B4GALT5: variants seen among roughly 807,000 people sequenced by gnomAD.
B4GALT5 encodes UDP-Gal:beta-GlcNAc beta-1,4-galactosyltransferase 5.
A neutral mutation model predicts 45.0 loss-of-function variants in B4GALT5; 11 were observed. That is an observed-to-expected ratio of 0.24 (90% CI 0.15 to 0.40). B4GALT5 has a LOEUF of 0.40. Ranked by LOEUF, B4GALT5 falls within the 10% of genes least tolerant of loss-of-function variation. The pLI, the probability that B4GALT5 is intolerant of heterozygous loss-of-function variation, is 1.00. For missense variants in B4GALT5, 337 were observed against 500.2 expected (o/e 0.67, Z 3.11); for synonymous variants, 185 against 182.9 (o/e 1.01, Z -0.09).
intron 1 of B4GALT5, among the ~76,000 whole-genome samples, chr20:49,660,914 C>T (rs912004893): frequency 3.9e-5 from 6 of 152,202 alleles, no homozygotes; most frequent in African/African-American, 1.2e-4. Context: ...GAACCATGAT[C>T]GTGCCACTGC....
At chr20:49,648,028 AATC>A (rs1424189187) in intron 2 of B4GALT5, among the ~76,000 whole-genome samples, 1 of 151,848 alleles carries the variant, frequency 6.6e-6, no homozygotes, top group Non-Finnish European at 1.5e-5. Context: ...ACCTTCCTTT[AATC>A]ATCATCTCTG....
chr20:49,646,536 T>C lies in B4GALT5; in HGVS notation c.364+429A>G, dbSNP rs150358417. 1.2e-3 allele frequency among the ~76,000 whole-genome samples: 187 copies of C among 152,288 alleles called. 2 individuals are homozygous for C. The highest frequency in any genetic ancestry group is 3.8e-3 in the African/African-American group (159 of 41,562). ...GCACAGGTTTGCAGCCCAGGAGCAATAGGCCATACCATACAGCCTAGGGGT... is the reference window on the plus strand; with the variant it reads ...GCACAGGTTTGCAGCCCAGGAGCAACAGGCCATACCATACAGCCTAGGGGT... On this transcript the variant is annotated intron_variant, in intron 3 of 8. Transcript: ENST00000371711.
chr20:49,661,410 A>G (rs2085664360), intron 1 of B4GALT5, among the ~76,000 whole-genome samples: 1 of 151,810 alleles, frequency 6.6e-6, no homozygotes, highest in Non-Finnish European at 1.5e-5. Flanking sequence ...AATTTTTTGT[A>G]TTTTGGTAGA....
At chr20:49,646,702 G>T (rs2085600490) in intron 3 of B4GALT5, among the ~76,000 whole-genome samples, 1 of 152,192 alleles carries the variant, frequency 6.6e-6, no homozygotes, top group Non-Finnish European at 1.5e-5. Context: ...TCTCTAGGAA[G>T]TTCAAACAGA....
At chr20:49,683,830 T>C (rs903021238) in intron 1 of B4GALT5, among the ~76,000 whole-genome samples, 3 of 152,052 alleles carry the variant, frequency 2.0e-5, no homozygotes, top group African/African-American at 4.8e-5. Context: ...TGAGTTAATA[T>C]TGGTAAAACA....
chr20:49,698,193 C>T (rs1301918822), intron 1 of B4GALT5, among the ~76,000 whole-genome samples: 2 of 151,912 alleles, frequency 1.3e-5, no homozygotes, highest in African/African-American at 4.8e-5. Context: ...CATGGTGGCA[C>T]GCACCTGTAA....
chr20:49,700,134 T>C (rs1424126169), intron 1 of B4GALT5, among the ~76,000 whole-genome samples: 1 of 152,160 alleles, frequency 6.6e-6, no homozygotes, highest in Non-Finnish European at 1.5e-5. Flanking sequence ...AAAATCATCT[T>C]AGGAGAAAGG....
intron 1 of B4GALT5, among the ~76,000 whole-genome samples, chr20:49,656,988 G>C (rs2085646233): frequency 2.0e-5 from 3 of 151,916 alleles, no homozygotes; most frequent in Non-Finnish European, 4.4e-5. Context: ...TACCCAATCT[G>C]TATTCTAGCA....
chr20:49,683,347 G>A (rs1246599543), intron 1 of B4GALT5, among the ~76,000 whole-genome samples: 1 of 148,922 alleles, frequency 6.7e-6, no homozygotes, highest in Non-Finnish European at 1.5e-5. Context: ...TTTAATGGTT[G>A]AAAGTATTAA....
intron 3 of B4GALT5, among the ~76,000 whole-genome samples, chr20:49,644,634 C>A (rs2085591806): frequency 6.6e-6 from 1 of 152,152 alleles, no homozygotes; most frequent in Non-Finnish European, 1.5e-5. Flanking sequence ...CCTGTCAACG[C>A]CTATTTCTGA....
chr20:49,709,279 C>T (rs139343749), intron 1 of B4GALT5, among the ~76,000 whole-genome samples: 136 of 152,100 alleles, frequency 8.9e-4, no homozygotes, highest in Middle Eastern at 6.8e-3. Context: ...GCAAATAAAA[C>T]AAGTGATTAA....
At chr20:49,656,784 T>G (rs1393822618) in intron 1 of B4GALT5, 82 bp from the exon 2 acceptor site, 41 of 1,572,476 alleles carry the variant, frequency 2.6e-5, no homozygotes, top group Non-Finnish European at 3.4e-5. Context: ...ATGGATTTTT[T>G]TTTCTTTTTG....
intron 1 of B4GALT5, among the ~76,000 whole-genome samples, chr20:49,658,707 T>C (rs778397052): frequency 4.6e-5 from 7 of 152,188 alleles, no homozygotes; most frequent in Middle Eastern, 3.4e-3. Context: ...TCCCCCAGAG[T>C]GCTTTTAAGA....
Position 49,639,804 on chromosome 20 carries a change from G to A in B4GALT5, c.795-4C>T. 2 of 1,612,430 alleles carry A rather than the reference G, an allele frequency of 1.2e-6. No individual in the cohort carries two copies. The highest frequency in any genetic ancestry group is 1.7e-6 in the Non-Finnish European group (2 of 1,178,840). On this transcript the variant is annotated splice_region_variant and splice_polypyrimidine_tract_variant and intron_variant, in intron 6 of 8. Transcript: ENST00000371711. The stretch of plus-strand genomic sequence containing the variant: ...AAAGAACTCGGTATAAGGAAGCCTA[G>A]GAGGAGATGTGGGACATCAATCATC...
At chr20:49,662,588 G>GC (rs1048583647) in intron 1 of B4GALT5, among the ~76,000 whole-genome samples, 14 of 152,040 alleles carry the variant, frequency 9.2e-5, no homozygotes, top group African/African-American at 3.1e-4. Context: ...TTTTGCATTA[G>GC]CCCCCTCCTC....
chr20:49,691,318 A>T (rs2146354598), intron 1 of B4GALT5, among the ~76,000 whole-genome samples: 1 of 152,172 alleles, frequency 6.6e-6, no homozygotes, highest in East Asian at 1.9e-4. Context: ...GGAGTTTGAG[A>T]CCAGCCTGGG....
chr20:49,712,270 G>A (rs2085916276), intron 1 of B4GALT5, among the ~76,000 whole-genome samples: 1 of 152,164 alleles, frequency 6.6e-6, no homozygotes, highest in Non-Finnish European at 1.5e-5. Flanking sequence ...ATGAGATTGG[G>A]ACTCACATTC....
Position 49,683,088 on chromosome 20 carries a change from CCT to C in B4GALT5, c.116-26388_116-26387del, listed in dbSNP as rs571982053. 6.0e-3 allele frequency among the ~76,000 whole-genome samples: 794 copies of C among 131,976 alleles called. 3 individuals carry two copies. Among genetic ancestry groups the C allele is most frequent in the Middle Eastern group, 0.025 (6 of 242 alleles). 86.6% of individuals were successfully genotyped at this position (131,976 alleles called of 152,430 possible). The stretch of plus-strand genomic sequence containing the variant: ...CAGCCTGGTTAACAGAGTGGGAGAC[CCT>C]GTTTCTGGGGAGGAAAAAAAAAAAG... On this transcript the variant is annotated intron_variant, in intron 1 of 8. Transcript: ENST00000371711.
At chr20:49,677,985 T>C (rs1376613021) in intron 1 of B4GALT5, among the ~76,000 whole-genome samples, 1 of 152,240 alleles carries the variant, frequency 6.6e-6, no homozygotes, top group Non-Finnish European at 1.5e-5. Flanking sequence ...TGACCTCAGG[T>C]GATCTGCCCG....
Sources: gnomAD v4.1 joint callset for allele counts (sites outside exome capture counted in the v4.1 genomes callset) on GRCh38, gnomAD v4.1.1 for gene constraint, MANE v1.5 for transcripts, NCBI Gene and HGNC (gene_info 2026-07-23, HGNC 2026-07-21) for gene names.